The following KANSL1 variants were observed in gnomAD, a reference collection of about 807,000 sequenced individuals.
The protein encoded by KANSL1 is MLL1/MLL complex subunit KANSL1.
KANSL1 carries 22 observed loss-of-function variants against 103.6 expected under a neutral mutation model. The ratio of observed to expected loss-of-function variants is 0.21; its 90% CI spans 0.15 to 0.30. The LOEUF is 0.30. KANSL1 is among the 10% of genes least tolerant of loss of function. The pLI, the probability that KANSL1 is intolerant of heterozygous loss-of-function variation, is 1.00. For synonymous variants in KANSL1, 600 were observed against 527.6 expected, an observed-to-expected ratio of 1.14 and a Z score of -1.88; for missense variants, 1,337 against 1,399.8, an observed-to-expected ratio of 0.96 and a Z score of 0.72.
chr17:46,213,659 G>A (rs1178094761), intron 1 of KANSL1, among the ~76,000 whole-genome samples: 2 of 149,958 alleles, frequency 1.3e-5, no homozygotes, highest in Non-Finnish European at 3.0e-5. Context: ...GCTCACACCT[G>A]TAATCCCAGT....
chr17:46,185,185 G>A (rs1223662457), intron 1 of KANSL1, among the ~76,000 whole-genome samples: 2 of 152,206 alleles, frequency 1.3e-5, no homozygotes, highest in South Asian at 2.1e-4. Flanking sequence ...TCCCCTACAA[G>A]CAGCACAATG....
chr17:46,090,161 C>T (rs547524925), intron 3 of KANSL1, among the ~76,000 whole-genome samples: 1 of 152,314 alleles, frequency 6.6e-6, no homozygotes, highest in Non-Finnish European at 1.5e-5. Flanking sequence ...GCAGCAACTG[C>T]AGTGATGTAG....
At chr17:46,214,424 G>C (rs894436412) in intron 1 of KANSL1, among the ~76,000 whole-genome samples, 2 of 152,220 alleles carry the variant, frequency 1.3e-5, no homozygotes, top group East Asian at 1.9e-4. Context: ...GAGGCTGAGG[G>C]GGGTGGATCA....
chr17:46,094,510 T>C (rs776298515), intron 3 of KANSL1, 50 bp downstream of exon 3: 22 of 1,586,174 alleles, frequency 1.4e-5, no homozygotes, highest in Admixed American at 1.1e-4. Flanking sequence ...AGAAAAGCGA[T>C]ATTGATAGTT....
intron 2 of KANSL1, among the ~76,000 whole-genome samples, chr17:46,131,594 A>G (rs578149225): frequency 3.3e-5 from 5 of 152,240 alleles, no homozygotes; most frequent in African/African-American, 1.2e-4. Flanking sequence ...GAATTACTGC[A>G]ATGTGAACAG....
intron 10 of KANSL1, chr17:46,037,847 T>G (rs922535155): frequency 2.6e-5 from 4 of 152,228 alleles, no homozygotes; most frequent in African/African-American, 7.2e-5. Context: ...GAGGGCACAC[T>G]TGAGGAATTA....
Position 46,176,560 on chromosome 17 carries a change from G to A in KANSL1, c.-89-4328C>T, listed in dbSNP as rs138661506. Among the ~76,000 whole-genome samples the A allele has an allele frequency of 5.3e-3, 802 of 152,050 alleles. 1 individual carries two copies. Among genetic ancestry groups the A allele is most frequent in the Middle Eastern group, 0.031 (9 of 294 alleles). On this transcript the variant is annotated intron_variant, in intron 1 of 14. Coordinates refer to ENST00000432791, the MANE Select transcript of KANSL1 (RefSeq NM_015443.4). Reference sequence around the variant, plus strand: ...ACAAAAATCAGCTGAGTGTGGCGGCGAGCGCCTGTAATCCCAGCTACCTGG... The same window carrying A: ...ACAAAAATCAGCTGAGTGTGGCGGCAAGCGCCTGTAATCCCAGCTACCTGG...
In KANSL1 at chr17:46,171,592, A is replaced by T. The variant is rs772655276; in HGVS notation, c.552T>A (p.Thr184=). 6.3e-7 allele frequency: 1 copy of T among 1,591,544 alleles called. No individual in the cohort carries two copies. Among genetic ancestry groups the T allele is most frequent in the Non-Finnish European group, 8.5e-7 (1 of 1,171,226 alleles). ...TTTCACCCCCATGAAGAGCAGATGAAGTGAGAGCCCGTTTTCCCCCATTGA... is the reference window on the plus strand; with the variant it reads ...TTTCACCCCCATGAAGAGCAGATGATGTGAGAGCCCGTTTTCCCCCATTGA... The part of the protein sequence containing the change: ...TSLNGGKRAL[T]SSALHGGEMG... The change falls in exon 2 of 15, where the codon ACT becomes ACA. Residue 184 remains threonine, a synonymous_variant. Coordinates refer to ENST00000432791, the MANE Select transcript of KANSL1 (RefSeq NM_015443.4).
rs1405074456 is a variant in KANSL1, at chr17:46,032,127, G to A, written c.3010C>T (p.Pro1004Ser). The A allele has an allele frequency of 1.2e-6, 2 of 1,614,104 alleles. No homozygotes were observed. Among genetic ancestry groups the A allele is most frequent in the Admixed American group, 3.3e-5 (2 of 60,016 alleles). ...TGTCGCGGAGTGTCCCGAGCCACAG[G>A]GGTGAGGGGTGCTGAGTGCAGTTCC... ...SPELHSAPLT[P>S]VARDTPRHLA... The change falls in exon 14 of 15, where the codon CCT (proline) becomes TCT (serine). Residue 1004 changes from proline to serine, a missense_variant. Physicochemically the swap from Pro to Ser is moderately conservative, Grantham distance 74. Transcript: ENST00000432791.
chr17:46,080,442 C>A (rs979436383), intron 4 of KANSL1, among the ~76,000 whole-genome samples: 2 of 150,776 alleles, frequency 1.3e-5, no homozygotes, highest in East Asian at 3.9e-4. Flanking sequence ...TCCCGGGCAA[C>A]CTAATTTTTT....
At chr17:46,099,995 T>C (rs2042240498) in intron 2 of KANSL1, among the ~76,000 whole-genome samples, 1 of 152,252 alleles carries the variant, frequency 6.6e-6, no homozygotes, top group Non-Finnish European at 1.5e-5. Context: ...AGCTATGTGC[T>C]AGTATTGGTT....
intron 7 of KANSL1, among the ~76,000 whole-genome samples, chr17:46,046,521 ACT>A (rs893717367): frequency 4.1e-5 from 4 of 97,376 alleles, no homozygotes; most frequent in African/African-American, 1.6e-4. Context: ...ACAGAGTGAG[ACT>A]CTGTCAAAAA....
chr17:46,117,374 C>T (rs1420800441), intron 2 of KANSL1, among the ~76,000 whole-genome samples: 1 of 152,242 alleles, frequency 6.6e-6, no homozygotes, highest in Non-Finnish European at 1.5e-5. Flanking sequence ...TGTATGGACT[C>T]TCCTTCCAGT....
intron 2 of KANSL1, among the ~76,000 whole-genome samples, chr17:46,161,126 T>C (rs1286095846): frequency 1.3e-5 from 2 of 152,050 alleles, no homozygotes; most frequent in Admixed American, 6.6e-5. Flanking sequence ...TTAAAAACGT[T>C]GTTCCCAGCA....
chr17:46,069,527 C>G (rs1028664683), intron 4 of KANSL1, among the ~76,000 whole-genome samples: 2 of 152,080 alleles, frequency 1.3e-5, no homozygotes, highest in South Asian at 2.1e-4. Flanking sequence ...GGCAGATCAC[C>G]TGAGGTCAGG....
chr17:46,126,599 AT>A (rs994247053), intron 2 of KANSL1, among the ~76,000 whole-genome samples: 6 of 151,742 alleles, frequency 4.0e-5, no homozygotes, highest in Non-Finnish European at 5.9e-5. Flanking sequence ...AAAACATGAA[AT>A]TTTTTTTTCT....
chr17:46,134,616 G>A (rs1251904352), intron 2 of KANSL1, among the ~76,000 whole-genome samples: 1 of 152,106 alleles, frequency 6.6e-6, no homozygotes, highest in Non-Finnish European at 1.5e-5. Context: ...GAGGCAGGTG[G>A]ATCACTTGAG....
intron 2 of KANSL1, among the ~76,000 whole-genome samples, chr17:46,139,925 C>A (rs1289632517): frequency 1.3e-5 from 2 of 152,198 alleles, no homozygotes; most frequent in African/African-American, 4.8e-5. Context: ...TCCTGGTTTA[C>A]AGGCCACCAC....
At chr17:46,141,693 C>A (rs568782614) in intron 2 of KANSL1, among the ~76,000 whole-genome samples, 146 of 152,248 alleles carry the variant, frequency 9.6e-4, no homozygotes, top group Non-Finnish European at 6.8e-4. Flanking sequence ...AATTTGGCAA[C>A]CCATATTCTG....
Sources: allele counts gnomAD v4.1 joint callset (sites outside exome capture counted in the v4.1 genomes callset), GRCh38; gene constraint gnomAD v4.1.1; transcripts MANE v1.5; gene names NCBI Gene and HGNC (gene_info 2026-07-23, HGNC 2026-07-21).